The following ARID1B variants were observed in gnomAD, a reference collection of about 807,000 sequenced individuals.
ARID1B encodes AT-rich interaction domain 1B.
A neutral mutation model predicts 212.3 loss-of-function variants in ARID1B; 30 were observed. The observed-to-expected ratio is 0.14, with a 90% confidence interval of 0.11 to 0.19. ARID1B has a LOEUF of 0.19. Ranked by LOEUF, ARID1B falls within the 10% of genes least tolerant of loss-of-function variation. The probability of loss-of-function intolerance (pLI) is 1.00; values close to 1 mark genes in which losing one functional copy is unlikely to be tolerated. For missense variants in ARID1B, 2,891 were observed against 3,204.0 expected (o/e 0.90, Z 2.36); for synonymous variants, 1,402 against 1,301.7 (o/e 1.08, Z -1.66).
chr6:156,956,191 A>C (rs1030096111), intron 4 of ARID1B, among the ~76,000 whole-genome samples: 4 of 152,046 alleles, frequency 2.6e-5, no homozygotes, highest in African/African-American at 9.7e-5. Context: ...CAAGTGGGCC[A>C]CTCAGAAAAA....
At chr6:156,911,527 T>C (rs912107562) in intron 3 of ARID1B, among the ~76,000 whole-genome samples, 9 of 152,100 alleles carry the variant, frequency 5.9e-5, no homozygotes, top group African/African-American at 2.2e-4. Flanking sequence ...AACTAACTAC[T>C]CCGTTGAAAT....
chr6:156,784,909 G>T (rs1779531296), intron 1 of ARID1B, among the ~76,000 whole-genome samples: 1 of 152,088 alleles, frequency 6.6e-6, no homozygotes, highest in South Asian at 2.1e-4. Flanking sequence ...ACAGGTGCAC[G>T]CCATCACACC....
At chr6:157,009,796 G>A (rs1779461481) in intron 4 of ARID1B, among the ~76,000 whole-genome samples, 1 of 152,194 alleles carries the variant, frequency 6.6e-6, no homozygotes, top group South Asian at 2.1e-4. Context: ...TGTTTGTAGA[G>A]GTGGAACAGC....
intron 4 of ARID1B, among the ~76,000 whole-genome samples, chr6:157,066,597 A>G (rs942475315): frequency 1.3e-5 from 2 of 152,146 alleles, no homozygotes; most frequent in Non-Finnish European, 2.9e-5. Flanking sequence ...GTCTGAGTTC[A>G]TGGTGGTCTT....
At chr6:156,896,361 G>C (rs1788384882) in intron 2 of ARID1B, among the ~76,000 whole-genome samples, 2 of 151,930 alleles carry the variant, frequency 1.3e-5, no homozygotes, top group Non-Finnish European at 2.9e-5. Flanking sequence ...TGGATCACCT[G>C]AGGTCAGGAG....
intron 4 of ARID1B, among the ~76,000 whole-genome samples, chr6:157,083,432 G>A (rs997219451): frequency 6.6e-6 from 1 of 152,152 alleles, no homozygotes; most frequent in African/African-American, 2.4e-5. Context: ...GCTGATGGGG[G>A]CCTCCATGGG....
intron 2 of ARID1B, among the ~76,000 whole-genome samples, chr6:156,869,441 T>C (rs933962008): frequency 6.6e-6 from 1 of 152,222 alleles, no homozygotes; most frequent in African/African-American, 2.4e-5. Flanking sequence ...TAAGTAACCA[T>C]TGGGGACTAC....
chr6:157,035,855 C>T (rs1781293743), intron 4 of ARID1B, among the ~76,000 whole-genome samples: 1 of 152,208 alleles, frequency 6.6e-6, no homozygotes, highest in Non-Finnish European at 1.5e-5. Context: ...AACTTTCATA[C>T]TGGATGAAAG....
intron 2 of ARID1B, among the ~76,000 whole-genome samples, chr6:156,883,753 G>A (rs1310755750): frequency 2.1e-5 from 3 of 145,858 alleles, no homozygotes; most frequent in African/African-American, 7.4e-5. Flanking sequence ...TGAGTGGCAG[G>A]TGCTGGAGGT....
intron 2 of ARID1B, among the ~76,000 whole-genome samples, chr6:156,853,116 T>G (rs1784689573): frequency 6.6e-6 from 1 of 152,350 alleles, no homozygotes; most frequent in South Asian, 2.1e-4. Flanking sequence ...AATCTTACAG[T>G]GCTTAAGGAC....
chr6:156,862,345 C>T (rs2128129814), intron 2 of ARID1B, among the ~76,000 whole-genome samples: 1 of 152,270 alleles, frequency 6.6e-6, no homozygotes, highest in African/African-American at 2.4e-5. Flanking sequence ...CTGAGAATCA[C>T]AATTGTAGGC....
chr6:156,856,941 A>G (rs1784994698), intron 2 of ARID1B, among the ~76,000 whole-genome samples: 1 of 152,082 alleles, frequency 6.6e-6, no homozygotes, highest in Non-Finnish European at 1.5e-5. Flanking sequence ...GGGCTATCTG[A>G]CCTCACTCAT....
Position 157,208,542 on chromosome 6 carries a change from C to T in ARID1B, c.*651C>T, listed in dbSNP as rs758813647. 1.7e-5 allele frequency: 4 copies of T among 232,838 alleles called. No homozygotes were observed. Among genetic ancestry groups the T allele is most frequent in the South Asian group, 1.8e-4 (1 of 5,522 alleles). The allele number at this position is 232,838 out of a possible 1,614,324, so 14.4% of individuals were successfully genotyped here. ...AAGATTGAGAATACATACCTGACAA[C>T]GATCCGGAAACTGCTCCTCACCACT... is the stretch of plus-strand genomic sequence containing the variant. On this transcript the variant is annotated 3_prime_UTR_variant, in exon 20 of 20. Transcript: ENST00000636930.
intron 4 of ARID1B, among the ~76,000 whole-genome samples, chr6:157,040,399 A>G (rs1046940027): frequency 6.6e-6 from 1 of 152,186 alleles, no homozygotes; most frequent in Non-Finnish European, 1.5e-5. Context: ...TGCACAGAAC[A>G]TTTCTGAGCC....
chr6:157,007,732 T>G (rs1008930710), intron 4 of ARID1B, among the ~76,000 whole-genome samples: 1 of 140,934 alleles, frequency 7.1e-6, no homozygotes, highest in African/African-American at 2.5e-5. Context: ...AGTTGTTTTT[T>G]TTTTTTTTTT....
chr6:156,821,570 C>T (rs1302154994), intron 1 of ARID1B, among the ~76,000 whole-genome samples: 1 of 152,178 alleles, frequency 6.6e-6, no homozygotes, highest in Non-Finnish European at 1.5e-5. Flanking sequence ...ACTTACGGAC[C>T]CGTCAGGCTC....
chr6:157,130,621 A>G (rs1026591613), intron 6 of ARID1B, among the ~76,000 whole-genome samples: 3 of 152,218 alleles, frequency 2.0e-5, no homozygotes, highest in African/African-American at 7.2e-5. Flanking sequence ...ACTTACTTTT[A>G]TTTTATGTCT....
chr6:156,778,949 G>T lies in ARID1B; in HGVS notation c.1269G>T (p.Ala423=). Residue 423 remains alanine (A), a synonymous_variant, in exon 1 of 20, where the codon GCG becomes GCT. Transcript: ENST00000636930. ...GAGGAGAGAV[A]AAAAAAAAAA... The stretch of plus-strand genomic sequence containing the variant: ...GAGGAGCAGGAGCGGGAGCTGTGGC[G>T]GCGGCGGCCGCGGCGGCGGCGGCAG... The T allele has an allele frequency of 7.8e-7, 1 of 1,289,632 alleles. No homozygotes were observed. Among genetic ancestry groups the T allele is most frequent in the Non-Finnish European group, 9.7e-7 (1 of 1,027,206 alleles). 79.9% of individuals were successfully genotyped at this position (1,289,632 alleles called of 1,614,324 possible). A position where few individuals can be genotyped will look rare whatever the true frequency, so the allele number is the denominator to read the frequency against.
chr6:156,848,781 C>T (rs932766330), intron 2 of ARID1B, among the ~76,000 whole-genome samples: 9 of 152,204 alleles, frequency 5.9e-5, no homozygotes, highest in Admixed American at 2.0e-4. Flanking sequence ...GCCGGGGGGC[C>T]TTCTCTGGCT....
Sources: allele counts gnomAD v4.1 joint callset (sites outside exome capture counted in the v4.1 genomes callset), GRCh38; gene constraint gnomAD v4.1.1; transcripts MANE v1.5; gene names NCBI Gene and HGNC (gene_info 2026-07-23, HGNC 2026-07-21).